SSBP3: variants seen among roughly 807,000 people sequenced by gnomAD.
The protein encoded by SSBP3 is single stranded DNA binding protein 3, also known as single-stranded DNA-binding protein 3.
Under a neutral mutation model 69.6 loss-of-function variants are expected in SSBP3, and 5 were observed. That is an observed-to-expected ratio of 0.07 (90% CI 0.04 to 0.15). The LOEUF is 0.15. SSBP3 is among the 10% of genes least tolerant of loss of function. The probability of loss-of-function intolerance (pLI) is 1.00; values close to 1 mark genes in which losing one functional copy is unlikely to be tolerated. For synonymous variants in SSBP3, 196 were observed against 193.4 expected (o/e 1.01, Z -0.11); for missense variants, 312 against 534.0 (o/e 0.58, Z 4.10).
At chr1:54,344,218 T>C (rs900057691) in intron 4 of SSBP3, among the ~76,000 whole-genome samples, 1 of 152,168 alleles carries the variant, frequency 6.6e-6, no homozygotes, top group African/African-American at 2.4e-5. Flanking sequence ...ATGAACAATA[T>C]TAATCTTTGA....
At chr1:54,301,941 C>G (rs1250390815) in intron 4 of SSBP3, among the ~76,000 whole-genome samples, 1 of 152,198 alleles carries the variant, frequency 6.6e-6, no homozygotes, top group African/African-American at 2.4e-5. Context: ...GCAAGAGGAA[C>G]ACAAACACCC....
intron 4 of SSBP3, among the ~76,000 whole-genome samples, chr1:54,366,205 A>T (rs1034970434): frequency 5.3e-5 from 8 of 152,024 alleles, no homozygotes; most frequent in African/African-American, 1.9e-4. Context: ...GCTTATCTTT[A>T]CTCATGCCTA....
chr1:54,289,260 T>G (rs937639236), intron 4 of SSBP3, among the ~76,000 whole-genome samples: 2 of 152,086 alleles, frequency 1.3e-5, no homozygotes, highest in African/African-American at 4.8e-5. Flanking sequence ...CTTCAATGAG[T>G]TGGCATTCAC....
At chr1:54,267,907 A>G (rs1251827376) in intron 5 of SSBP3, among the ~76,000 whole-genome samples, 2 of 152,300 alleles carry the variant, frequency 1.3e-5, no homozygotes, top group African/African-American at 4.8e-5. Flanking sequence ...CTTTATTAAA[A>G]AAAAATTAAA....
chr1:54,315,883 G>C (rs2100323633), intron 4 of SSBP3, among the ~76,000 whole-genome samples: 1 of 152,084 alleles, frequency 6.6e-6, no homozygotes, highest in South Asian at 2.1e-4. Flanking sequence ...ATTGGTCTCG[G>C]ACTCCTGGTC....
chr1:54,349,327 T>C (rs527428407), intron 4 of SSBP3, among the ~76,000 whole-genome samples: 2 of 152,310 alleles, frequency 1.3e-5, no homozygotes, highest in African/African-American at 4.8e-5. Context: ...CCTACAGCGG[T>C]GCCTGGCACA....
chr1:54,372,385 C>T (rs1483777538), intron 4 of SSBP3, among the ~76,000 whole-genome samples: 2 of 150,726 alleles, frequency 1.3e-5, no homozygotes, highest in East Asian at 4.1e-4. Flanking sequence ...GCCCCTTCCC[C>T]TCCACTTTCT....
chr1:54,341,657 C>T (rs1646608589), intron 4 of SSBP3, among the ~76,000 whole-genome samples: 1 of 151,564 alleles, frequency 6.6e-6, no homozygotes, highest in South Asian at 2.1e-4. Context: ...ATGTTAATTC[C>T]TTTATTATGG....
chr1:54,332,056 C>T (rs981965558), intron 4 of SSBP3, among the ~76,000 whole-genome samples: 2 of 152,168 alleles, frequency 1.3e-5, no homozygotes, highest in Non-Finnish European at 2.9e-5. Flanking sequence ...GATGAGAAAC[C>T]AGGGCTCAGA....
At position 54,240,094 on chromosome 1, in the gene SSBP3, GCGCGCGTGTGCGTGCGCGCGCGCGCGCAA is replaced by G. The variant is rs1328918777; in HGVS notation, c.856+782_856+810del. Among the ~76,000 whole-genome samples the G allele has an allele frequency of 0.021, 284 of 13,554 alleles. 5 individuals are homozygous for G. In the South Asian group the frequency reaches 0.33, roughly 16 times the overall value. 8.9% of individuals were successfully genotyped at this position (13,554 alleles called of 152,430 possible). On this transcript the variant is annotated intron_variant, in intron 13 of 17. Coordinates refer to ENST00000610401, the Ensembl canonical transcript of SSBP3. ...TGTGTGTGTGTGTGTGTGTGCGCGC[GCGCGCGTGTGCGTGCGCGCGCGCGCGCAA>G]CACATGCCCACGTATGTGCACGCAT... is the stretch of plus-strand genomic sequence containing the variant.
At chr1:54,305,630 AAAAAGAG>A (rs1339897588) in intron 4 of SSBP3, among the ~76,000 whole-genome samples, 36 of 142,886 alleles carry the variant, frequency 2.5e-4, no homozygotes, top group Non-Finnish European at 4.6e-4. Context: ...AAAAAAAAAA[AAAAAGAG>A]AGAGAGAGAG....
chr1:54,273,858 G>T (rs940672808), intron 5 of SSBP3, among the ~76,000 whole-genome samples: 1 of 152,242 alleles, frequency 6.6e-6, no homozygotes, highest in African/African-American at 2.4e-5. Flanking sequence ...AGTCAGTTTG[G>T]AACAGGTGGG....
chr1:54,282,416 G>A (rs75866965), intron 4 of SSBP3, among the ~76,000 whole-genome samples: 457 of 152,332 alleles, frequency 3.0e-3, no homozygotes, highest in African/African-American at 0.01. Context: ...AGGGTCCTAG[G>A]TGTCTCATGA....
intron 4 of SSBP3, among the ~76,000 whole-genome samples, chr1:54,337,716 G>A (rs930237273): frequency 2.6e-5 from 4 of 151,780 alleles, no homozygotes; most frequent in Non-Finnish European, 5.9e-5. Context: ...GGCTGGTCTT[G>A]AACTCCTGAC....
intron 4 of SSBP3, among the ~76,000 whole-genome samples, chr1:54,299,796 T>G (rs973142534): frequency 1.1e-4 from 17 of 152,124 alleles, no homozygotes; most frequent in Non-Finnish European, 4.4e-5. Flanking sequence ...TCCAAACAGA[T>G]CAAACCCAGA....
At chr1:54,244,198 G>C (rs891998378) in intron 9 of SSBP3, among the ~76,000 whole-genome samples, 1 of 152,048 alleles carries the variant, frequency 6.6e-6, no homozygotes, top group Non-Finnish European at 1.5e-5. Flanking sequence ...CCACCTCCCA[G>C]GTTCAAGCGA....
chr1:54,353,931 G>A (rs1045230424), intron 4 of SSBP3, among the ~76,000 whole-genome samples: 1 of 152,174 alleles, frequency 6.6e-6, no homozygotes, highest in African/African-American at 2.4e-5. Context: ...TTCTACAGAT[G>A]AGGAGGAGAC....
chr1:54,289,105 G>T (rs1645557520), intron 4 of SSBP3, among the ~76,000 whole-genome samples: 1 of 150,578 alleles, frequency 6.6e-6, no homozygotes, highest in Admixed American at 6.6e-5. Context: ...AGTTCTGTGT[G>T]CTTTGACTCT....
chr1:54,233,735 A>G (rs1241383928), intron 14 of SSBP3, among the ~76,000 whole-genome samples: 6 of 118,676 alleles, frequency 5.1e-5, no homozygotes, highest in East Asian at 2.7e-4. Flanking sequence ...CCCCCCGCCC[A>G]GCCAGCTGCC....
Sources: gnomAD v4.1 joint callset for allele counts (sites outside exome capture counted in the v4.1 genomes callset) on GRCh38, gnomAD v4.1.1 for gene constraint, MANE v1.5 for transcripts, NCBI Gene and HGNC (gene_info 2026-07-23, HGNC 2026-07-21) for gene names.